Variants in LRRC74A observed in about 807,000 individuals in gnomAD.
The protein encoded by LRRC74A is leucine-rich repeat-containing protein 74A.
Under a neutral mutation model 57.9 loss-of-function variants are expected in LRRC74A, and 44 were observed. The observed-to-expected ratio is 0.76, with a 90% CI of 0.60 to 0.98. The LOEUF (loss-of-function observed/expected upper bound fraction) is 0.98, where lower values mean the gene tolerates loss of function less well. Among genes scored for constraint, LRRC74A ranks in the 50% least tolerant of loss-of-function variants. The pLI is 0.00. For synonymous variants in LRRC74A, 211 were observed against 219.4 expected (o/e 0.96, Z 0.34); for missense variants, 572 against 574.0 (o/e 1.00, Z 0.04).
intron 12 of LRRC74A, among the ~76,000 whole-genome samples, chr14:76,866,963 T>TGGTAGTGTGTGTGTGG (rs1898874356): frequency 4.0e-5 from 1 of 25,212 alleles, no homozygotes; most frequent in Non-Finnish European, 6.9e-5. Flanking sequence ...TGTGTGTGTG[T>TGGTAGTGTGTGTGTGG]GTGTGTGTGT....
intron 7 of LRRC74A, among the ~76,000 whole-genome samples, chr14:76,846,070 T>G (rs988491410): frequency 3.3e-5 from 5 of 152,184 alleles, no homozygotes; most frequent in Non-Finnish European, 7.3e-5. Context: ...TTGCAGCATT[T>G]GTAGAGTACA....
rs553938726 is a variant in LRRC74A at position 76,830,024 on chromosome 14, C to G, written c.167-1179C>G. ...TTGCTACTGGCATCTTGTGGGTCCA[C>G]GCCAGAGATCCTACTAAACACCCTA... On this transcript the variant is annotated intron_variant, in intron 2 of 13. Transcript: ENST00000689127. Among the ~76,000 whole-genome samples the G allele has an allele frequency of 4.6e-5, 7 of 152,266 alleles. No individual in the cohort carries two copies. The East Asian group carries it at 1.3e-3, about 29-fold the overall frequency.
chr14:76,865,298 C>G (rs1481927658), intron 11 of LRRC74A, among the ~76,000 whole-genome samples: 1 of 152,074 alleles, frequency 6.6e-6, no homozygotes, highest in East Asian at 1.9e-4. Flanking sequence ...AATGAGAAAC[C>G]CACGGATATG....
In LRRC74A at chr14:76,860,837, C is replaced by G; in HGVS notation, c.1198C>G (p.Gln400Glu). Residue 400 changes from glutamine to glutamate, a missense_variant and splice_region_variant, in exon 11 of 14, where the codon CAG becomes GAG. Physicochemically the swap from Gln to Glu is conservative, Grantham distance 29 (BLOSUM62 2). Coordinates refer to ENST00000689127, the MANE Select transcript of LRRC74A (RefSeq NM_001385106.1). ...FLLTNPMKLI[Q>E]SYADQHKITI... Reference sequence around the variant, plus strand: ...GTTGACAAACCCCATGAAACTGATCCAGGTGAGCTCCTGCCTTCCTCTCAG... The same window carrying G: ...GTTGACAAACCCCATGAAACTGATCGAGGTGAGCTCCTGCCTTCCTCTCAG... 6.3e-7 allele frequency: 1 copy of G among 1,598,324 alleles called. No individual in the cohort carries two copies. The highest frequency in any genetic ancestry group is 1.7e-5 in the Admixed American group (1 of 58,464).
At chr14:76,838,223 G>T (rs1195870576) in intron 5 of LRRC74A, among the ~76,000 whole-genome samples, 1 of 151,498 alleles carries the variant, frequency 6.6e-6, no homozygotes, top group Non-Finnish European at 1.5e-5. Flanking sequence ...AACTGAATAG[G>T]GAACTATTAA....
chr14:76,848,747 A>G (rs531752605), intron 7 of LRRC74A, among the ~76,000 whole-genome samples: 1 of 152,348 alleles, frequency 6.6e-6, no homozygotes, highest in South Asian at 2.1e-4. Flanking sequence ...AACTGATGCT[A>G]CAGAAGAAGG....
chr14:76,844,214 G>C (rs185258056), intron 5 of LRRC74A, among the ~76,000 whole-genome samples: 1 of 152,250 alleles, frequency 6.6e-6, no homozygotes, highest in Non-Finnish European at 1.5e-5. Context: ...TGTTGCCCAG[G>C]CTGGTCTCAA....
chr14:76,863,185 A>AGTGTGTGTGTGTGTGTGTGT (rs112669509), intron 11 of LRRC74A, among the ~76,000 whole-genome samples: 223 of 145,312 alleles, frequency 1.5e-3, no homozygotes, highest in African/African-American at 5.1e-3. Context: ...CATGCATGTG[A>AGTGTGTGTGTGTGTGTGTGT]GTGTGTGTGT....
chr14:76,866,299 C>CA (rs1384463669), intron 12 of LRRC74A, among the ~76,000 whole-genome samples: 1 of 152,120 alleles, frequency 6.6e-6, no homozygotes, highest in Non-Finnish European at 1.5e-5. Flanking sequence ...GGCTTGATGC[C>CA]ACCAGTGACC....
intron 5 of LRRC74A, among the ~76,000 whole-genome samples, chr14:76,841,869 C>T (rs1254468735): frequency 6.6e-6 from 1 of 152,020 alleles, no homozygotes; most frequent in African/African-American, 2.4e-5. Context: ...TGTGCCACCA[C>T]ACCCAGCTAA....
At chr14:76,868,951 A>C (rs1227159577) in intron 13 of LRRC74A, among the ~76,000 whole-genome samples, 1 of 152,186 alleles carries the variant, frequency 6.6e-6, no homozygotes, top group Non-Finnish European at 1.5e-5. Context: ...AGCGGCTGGC[A>C]CAGGGGGCGT....
At chr14:76,843,287 C>CAA (rs59087508) in intron 5 of LRRC74A, among the ~76,000 whole-genome samples, 7 of 130,556 alleles carry the variant, frequency 5.4e-5, no homozygotes, top group South Asian at 2.3e-4. Context: ...GACTCCGTCT[C>CAA]AAAAAAAAAA....
rs1232862651 is a variant in LRRC74A, at chr14:76,828,278, T to C, written c.38-13T>C. 1 of 1,574,270 alleles carries C rather than the reference T, an allele frequency of 6.4e-7. No homozygotes were observed. Among genetic ancestry groups the C allele is most frequent in the South Asian group, 1.2e-5 (1 of 86,900 alleles). On this transcript the variant is annotated splice_polypyrimidine_tract_variant and intron_variant, in intron 1 of 13. Coordinates refer to ENST00000689127, the MANE Select transcript of LRRC74A (RefSeq NM_001385106.1). Reference sequence around the variant, plus strand: ...TTATTCCTGGCATCAAGGAGATGAGTTTTTTCTTCCAGATGAGATTGAAAT... The same window carrying C: ...TTATTCCTGGCATCAAGGAGATGAGCTTTTTCTTCCAGATGAGATTGAAAT...
At chr14:76,857,230 A>AT (rs1897970395) in intron 9 of LRRC74A, 150 bp from the exon 10 acceptor site, 1 of 565,586 alleles carries the variant, frequency 1.8e-6, no homozygotes, top group African/African-American at 1.9e-5. Flanking sequence ...AGACAGATGG[A>AT]TAAACAAACA....
chr14:76,866,761 G>C (rs1898835132), intron 12 of LRRC74A, among the ~76,000 whole-genome samples: 2 of 151,684 alleles, frequency 1.3e-5, no homozygotes, highest in Admixed American at 1.3e-4. Flanking sequence ...ATCTCCTCCT[G>C]CCTTATTGCC....
At chr14:76,869,760 TAA>T (rs111436232) in intron 13 of LRRC74A, among the ~76,000 whole-genome samples, 27 of 108,754 alleles carry the variant, frequency 2.5e-4, no homozygotes, top group Non-Finnish European at 2.4e-4. Context: ...AGACTCCATC[TAA>T]AAAAAAAAAA....
intron 7 of LRRC74A, among the ~76,000 whole-genome samples, chr14:76,846,122 A>G (rs2140283129): frequency 6.6e-6 from 1 of 152,362 alleles, no homozygotes; most frequent in South Asian, 2.1e-4. Flanking sequence ...CCTTAGCTCA[A>G]TTAGACAATG....
intron 2 of LRRC74A, 119 bp from the exon 3 acceptor site, chr14:76,831,084 C>A (rs1413061153): frequency 7.7e-6 from 8 of 1,037,774 alleles, no homozygotes; most frequent in Non-Finnish European, 1.1e-5. Flanking sequence ...AGCACATACC[C>A]ACAGGGAGAG....
chr14:76,835,826 A>T (rs560891030), intron 3 of LRRC74A, among the ~76,000 whole-genome samples: 1 of 152,148 alleles, frequency 6.6e-6, no homozygotes, highest in African/African-American at 2.4e-5. Context: ...GCTTTAAAGG[A>T]CCTCCTTGCA....
Sources: gnomAD v4.1 joint callset for allele counts (sites outside exome capture counted in the v4.1 genomes callset) on GRCh38, gnomAD v4.1.1 for gene constraint, MANE v1.5 for transcripts, NCBI Gene and HGNC (gene_info 2026-07-23, HGNC 2026-07-21) for gene names.